Variants in CTNNA3 observed in about 807,000 individuals in gnomAD.
CTNNA3 encodes the protein catenin alpha-3.
CTNNA3 carries 76 observed loss-of-function variants against 95.7 expected under a neutral mutation model. The observed-to-expected ratio is 0.79, with a 90% CI of 0.66 to 0.96. The LOEUF is 0.96. CTNNA3 is among the 40% of genes least tolerant of loss of function. The pLI, the probability that CTNNA3 is intolerant of heterozygous loss-of-function variation, is 0.00. For missense variants in CTNNA3, 1,191 were observed against 1,089.8 expected, an observed-to-expected ratio of 1.09 and a Z score of -1.31; for synonymous variants, 431 against 374.4, an observed-to-expected ratio of 1.15 and a Z score of -1.74.
intron 7 of CTNNA3, among the ~76,000 whole-genome samples, chr10:67,141,873 T>G (rs1860584218): frequency 6.6e-6 from 1 of 152,070 alleles, no homozygotes; most frequent in Admixed American, 6.6e-5. Flanking sequence ...TATTTATAGA[T>G]TTTAGAGGCA....
chr10:66,103,312 A>G, intron 13 of CTNNA3, 63 bp from the exon 14 acceptor site: 1 of 1,250,934 alleles, frequency 8.0e-7, no homozygotes, highest in South Asian at 1.2e-5. Flanking sequence ...TTGGAAAACA[A>G]CGCGGCAGTA....
intron 14 of CTNNA3, among the ~76,000 whole-genome samples, chr10:66,075,464 G>C (rs889597031): frequency 6.6e-6 from 1 of 151,662 alleles, no homozygotes; most frequent in African/African-American, 2.4e-5. Context: ...ATTGTACCTG[G>C]AATATATTAG....
chr10:66,544,762 AG>A (rs1341325467), intron 10 of CTNNA3, among the ~76,000 whole-genome samples: 1 of 152,132 alleles, frequency 6.6e-6, no homozygotes, highest in African/African-American at 2.4e-5. Flanking sequence ...ATCAGAAGAA[AG>A]CTTTGTAAAA....
At chr10:66,112,123 T>G (rs1188526956) in intron 13 of CTNNA3, among the ~76,000 whole-genome samples, 1 of 152,144 alleles carries the variant, frequency 6.6e-6, no homozygotes, top group African/African-American at 2.4e-5. Context: ...CATAGTCCAC[T>G]CTAATTCATC....
intron 12 of CTNNA3, among the ~76,000 whole-genome samples, chr10:66,321,315 T>G (rs1017601912): frequency 2.6e-5 from 4 of 152,152 alleles, no homozygotes; most frequent in African/African-American, 9.6e-5. Flanking sequence ...TCCATTCTAT[T>G]AAGTTACCGA....
intron 7 of CTNNA3, among the ~76,000 whole-genome samples, chr10:67,124,775 GT>G (rs1240621553): frequency 2.6e-5 from 4 of 152,184 alleles, no homozygotes; most frequent in Admixed American, 6.5e-5. Context: ...AATGCAAAAT[GT>G]TTTTTTCTTC....
intron 10 of CTNNA3, among the ~76,000 whole-genome samples, chr10:66,611,649 C>A (rs1844334494): frequency 6.6e-6 from 1 of 152,120 alleles, no homozygotes; most frequent in Non-Finnish European, 1.5e-5. Context: ...TGACTGCTCA[C>A]TTCCTAATTT....
chr10:66,065,713 T>A (rs948897912), intron 15 of CTNNA3, among the ~76,000 whole-genome samples: 2 of 152,120 alleles, frequency 1.3e-5, no homozygotes, highest in Non-Finnish European at 2.9e-5. Flanking sequence ...AAAGCTTCTG[T>A]TCCTCATGGC....
In CTNNA3 at chr10:67,158,608, C is replaced by T. The variant is rs550990717; in HGVS notation, c.1047+21709G>A. On this transcript the variant is annotated intron_variant, in intron 7 of 17. Transcript: ENST00000433211. The stretch of plus-strand genomic sequence containing the variant: ...ATATGACAAAACTGACACATGTGCC[C>T]GCATAAGTGTAGCACGAATTGGACC... Among the ~76,000 whole-genome samples the T allele has an allele frequency of 2.6e-3, 401 of 152,128 alleles. 2 individuals are homozygous for T. The highest frequency in any genetic ancestry group is 0.02 in the Middle Eastern group (6 of 294).
intron 9 of CTNNA3, among the ~76,000 whole-genome samples, chr10:66,743,974 CAAAAAAAAAAAAA>C (rs536825430): frequency 2.4e-4 from 11 of 45,056 alleles, no homozygotes; most frequent in South Asian, 1.1e-3. Flanking sequence ...GATTCCATCT[CAAAAAAAAAAAAA>C]AAAAAAAAAA....
intron 7 of CTNNA3, among the ~76,000 whole-genome samples, chr10:66,942,383 A>G (rs192452694): frequency 6.6e-5 from 10 of 152,346 alleles, no homozygotes; most frequent in Non-Finnish European, 1.3e-4. Context: ...GACTTGCTCT[A>G]TTAAGTATTC....
chr10:66,299,573 T>A lies in CTNNA3; in HGVS notation c.1733-18952A>T, dbSNP rs892451755. Among the ~76,000 whole-genome samples the A allele has an allele frequency of 3.5e-4, 53 of 152,324 alleles. 1 individual carries two copies. Among genetic ancestry groups the A allele is most frequent in the African/African-American group, 1.2e-3 (51 of 41,576 alleles). On this transcript the variant is annotated intron_variant, in intron 12 of 17. Transcript: ENST00000433211. ...GAAGGAAAATTGTATCTGAACTATT[T>A]AGCCTTCACTGCATAAAGCTTGAAC...
chr10:67,678,844 G>A (rs1034172646), intron 1 of CTNNA3, among the ~76,000 whole-genome samples: 9 of 152,148 alleles, frequency 5.9e-5, no homozygotes, highest in Non-Finnish European at 1.0e-4. Context: ...TATTAGAAAA[G>A]TAGTGTAAAC....
At chr10:67,726,492 A>G (rs1456890408) in intron 1 of CTNNA3, among the ~76,000 whole-genome samples, 1 of 71,818 alleles carries the variant, frequency 1.4e-5, no homozygotes, top group Non-Finnish European at 2.3e-5. Flanking sequence ...TATATCATAT[A>G]CAATATATAA....
intron 9 of CTNNA3, among the ~76,000 whole-genome samples, chr10:66,715,551 C>T (rs1848424024): frequency 6.6e-6 from 1 of 151,946 alleles, no homozygotes; most frequent in Non-Finnish European, 1.5e-5. Context: ...ATTGTGCTGC[C>T]TTAAATATAT....
chr10:66,754,434 T>C (rs1372316697), intron 9 of CTNNA3, among the ~76,000 whole-genome samples: 4 of 152,044 alleles, frequency 2.6e-5, no homozygotes, highest in Admixed American at 2.6e-4. Context: ...TAAAAATAAA[T>C]CTTTATGAAC....
chr10:66,578,150 C>G (rs1000731221), intron 10 of CTNNA3, among the ~76,000 whole-genome samples: 22 of 151,948 alleles, frequency 1.4e-4, no homozygotes, highest in African/African-American at 5.3e-4. Context: ...TATAGAAATG[C>G]TACTGATTTT....
At chr10:66,946,295 C>T (rs922368323) in intron 7 of CTNNA3, among the ~76,000 whole-genome samples, 39 of 152,116 alleles carry the variant, frequency 2.6e-4, no homozygotes, top group African/African-American at 9.4e-4. Flanking sequence ...ACATTTTGAC[C>T]TGCATGCTGG....
chr10:66,963,522 T>C (rs1367269037), intron 7 of CTNNA3, among the ~76,000 whole-genome samples: 1 of 152,100 alleles, frequency 6.6e-6, no homozygotes, highest in Non-Finnish European at 1.5e-5. Context: ...AATGGTCAAA[T>C]ATAAGAACAG....
Sources: gnomAD v4.1 joint callset for allele counts (sites outside exome capture counted in the v4.1 genomes callset) on GRCh38, gnomAD v4.1.1 for gene constraint, MANE v1.5 for transcripts, NCBI Gene and HGNC (gene_info 2026-07-23, HGNC 2026-07-21) for gene names.